The following CSMD1 variants were observed in gnomAD, a reference collection of about 807,000 sequenced individuals.
CSMD1 encodes CUB and sushi domain-containing protein 1.
In CSMD1, 213 loss-of-function variants were observed where a neutral mutation model predicts 417.5. The observed-to-expected ratio is 0.51, with a 90% CI of 0.46 to 0.57. The LOEUF (loss-of-function observed/expected upper bound fraction) is 0.57. Among genes scored for constraint, CSMD1 ranks in the 20% least tolerant of loss-of-function variants. The pLI, the probability that CSMD1 is intolerant of heterozygous loss-of-function variation, is 0.00. For missense variants in CSMD1, 6,923 were observed against 4,529.7 expected, an observed-to-expected ratio of 1.53 and a Z score of -15.17; for synonymous variants, 2,862 against 1,736.8, an observed-to-expected ratio of 1.65 and a Z score of -16.11.
intron 5 of CSMD1, among the ~76,000 whole-genome samples, chr8:3,956,575 C>T (rs1000627198): frequency 6.6e-6 from 1 of 152,188 alleles, no homozygotes; most frequent in Non-Finnish European, 1.5e-5. Flanking sequence ...GTATCAAATA[C>T]TGTGCCCCAT....
chr8:4,493,435 C>T (rs893802239), intron 2 of CSMD1, among the ~76,000 whole-genome samples: 3 of 152,140 alleles, frequency 2.0e-5, no homozygotes, highest in Non-Finnish European at 2.9e-5. Context: ...GTGGTTCACG[C>T]CTGTAATGCC....
intron 3 of CSMD1, among the ~76,000 whole-genome samples, chr8:4,270,083 T>C (rs1804487134): frequency 6.6e-6 from 1 of 152,176 alleles, no homozygotes; most frequent in Non-Finnish European, 1.5e-5. Flanking sequence ...GAGAGAAACA[T>C]GATCAGATCA....
At chr8:3,299,759 C>G (rs1345136721) in intron 25 of CSMD1, among the ~76,000 whole-genome samples, 1 of 152,116 alleles carries the variant, frequency 6.6e-6, no homozygotes, top group Non-Finnish European at 1.5e-5. Context: ...AAAAAGTCAA[C>G]ATAGGAAAGG....
intron 10 of CSMD1, among the ~76,000 whole-genome samples, chr8:3,508,008 T>A (rs1213088437): frequency 6.6e-6 from 1 of 152,192 alleles, no homozygotes; most frequent in Non-Finnish European, 1.5e-5. Context: ...GCTCTTGAGT[T>A]TTATTAGATC....
At chr8:4,038,375 G>T (rs929446254) in intron 3 of CSMD1, among the ~76,000 whole-genome samples, 6 of 152,116 alleles carry the variant, frequency 3.9e-5, no homozygotes, top group Non-Finnish European at 7.4e-5. Flanking sequence ...CTTGTAAATT[G>T]TAAAATATTG....
chr8:3,733,239 T>C (rs542941193), intron 6 of CSMD1, among the ~76,000 whole-genome samples: 2 of 137,904 alleles, frequency 1.5e-5, no homozygotes, highest in South Asian at 2.5e-4. Context: ...ATACATATAT[T>C]ACACATATTA....
intron 26 of CSMD1, among the ~76,000 whole-genome samples, chr8:3,240,401 T>A (rs1397955122): frequency 6.9e-6 from 1 of 144,724 alleles, no homozygotes; most frequent in South Asian, 2.4e-4. Context: ...AAGTCGAAAG[T>A]ATCCAACCAT....
intron 5 of CSMD1, among the ~76,000 whole-genome samples, chr8:3,759,355 A>G (rs950286473): frequency 2.6e-5 from 4 of 152,172 alleles, no homozygotes; most frequent in Admixed American, 2.6e-4. Flanking sequence ...CACAATTCTT[A>G]TCTATTCATA....
At chr8:4,985,868 T>C (rs1218784446) in intron 1 of CSMD1, among the ~76,000 whole-genome samples, 11 of 152,156 alleles carry the variant, frequency 7.2e-5, no homozygotes, top group Non-Finnish European at 1.0e-4. Flanking sequence ...AATTCTATTT[T>C]ATGAAGAAAG....
intron 3 of CSMD1, among the ~76,000 whole-genome samples, chr8:4,304,067 G>C (rs551899199): frequency 7.2e-5 from 11 of 152,218 alleles, no homozygotes; most frequent in Admixed American, 5.9e-4. Flanking sequence ...ACAAAGCCTC[G>C]ATGAAACCCT....
chr8:3,223,950 A>G, intron 27 of CSMD1, 83 bp from the exon 28 acceptor site: 1 of 1,365,860 alleles, frequency 7.3e-7, no homozygotes, highest in Non-Finnish European at 1.0e-6. Flanking sequence ...ACACCACAGA[A>G]TTCTTTAAGA....
intron 3 of CSMD1, among the ~76,000 whole-genome samples, chr8:4,288,944 T>C (rs528605851): frequency 3.7e-4 from 57 of 152,274 alleles, no homozygotes; most frequent in African/African-American, 1.3e-3. Context: ...ATTACACTAA[T>C]AGTGTGGCAG....
chr8:3,580,140 T>G (rs987867419), intron 9 of CSMD1, among the ~76,000 whole-genome samples: 1 of 152,000 alleles, frequency 6.6e-6, no homozygotes, highest in Non-Finnish European at 1.5e-5. Context: ...AAAAAAAGTA[T>G]ACATGCAGTG....
intron 54 of CSMD1, among the ~76,000 whole-genome samples, chr8:2,982,942 T>C (rs652282): frequency 0.19 from 28,327 of 152,076 alleles, 5,344 homozygotes; most frequent in African/African-American, 0.49. Flanking sequence ...GGGCATCACA[T>C]AAGAGTCTGG....
intron 5 of CSMD1, among the ~76,000 whole-genome samples, chr8:3,869,156 C>T (rs183469699): frequency 1.5e-4 from 23 of 152,260 alleles, no homozygotes; most frequent in Non-Finnish European, 2.9e-4. Context: ...CACACCGTGC[C>T]CTGAAATACA....
intron 1 of CSMD1, among the ~76,000 whole-genome samples, chr8:4,915,327 G>T (rs772682698): frequency 6.6e-6 from 1 of 152,210 alleles, no homozygotes; most frequent in South Asian, 2.1e-4. Context: ...TTATTGCAAT[G>T]GTAAAAAGCT....
chr8:3,227,511 C>T (rs1429788065), intron 27 of CSMD1, among the ~76,000 whole-genome samples: 1 of 152,090 alleles, frequency 6.6e-6, no homozygotes, highest in Non-Finnish European at 1.5e-5. Context: ...CTCATTGAAG[C>T]TATCTTCAGA....
intron 6 of CSMD1, among the ~76,000 whole-genome samples, chr8:3,710,648 A>C (rs1020537323): frequency 6.6e-6 from 1 of 151,654 alleles, no homozygotes; most frequent in African/African-American, 2.4e-5. Flanking sequence ...TGCCTCTTGG[A>C]CTCTACCCCT....
intron 26 of CSMD1, among the ~76,000 whole-genome samples, chr8:3,280,292 T>C (rs966723003): frequency 6.6e-6 from 1 of 152,152 alleles, no homozygotes; most frequent in Non-Finnish European, 1.5e-5. Context: ...TCCTTAGAAA[T>C]TGATACTCTA....
Sources: allele counts gnomAD v4.1 joint callset (sites outside exome capture counted in the v4.1 genomes callset), GRCh38; gene constraint gnomAD v4.1.1; transcripts MANE v1.5; gene names NCBI Gene and HGNC (gene_info 2026-07-23, HGNC 2026-07-21).